Variants in SLCO1A2 observed in about 807,000 individuals in gnomAD.
SLCO1A2 encodes solute carrier organic anion transporter family member 1A2.
In SLCO1A2, 67 loss-of-function variants were observed where a neutral mutation model predicts 69.0. That is an observed-to-expected ratio of 0.97 (90% CI 0.80 to 1.19). The LOEUF is 1.19. SLCO1A2 is among the 50% of genes most tolerant of loss of function. The pLI is 0.00. For synonymous variants in SLCO1A2, 260 were observed against 265.9 expected (o/e 0.98, Z 0.22); for missense variants, 787 against 793.7 (o/e 0.99, Z 0.10).
intron 2 of SLCO1A2, chr12:21,324,725 C>T (rs979041466): frequency 6.6e-6 from 1 of 152,152 alleles, no homozygotes; most frequent in African/African-American, 2.4e-5. Flanking sequence ...GAGCATCAGC[C>T]TTCCAAACAA....
At chr12:21,297,350 A>G in intron 9 of SLCO1A2, 54 bp downstream of exon 9, 1 of 1,442,826 alleles carries the variant, frequency 6.9e-7, no homozygotes. Flanking sequence ...ACCCGCCATC[A>G]CACTGTTCGT....
At chr12:21,291,193 T>C (rs1946787867) in intron 12 of SLCO1A2, among the ~76,000 whole-genome samples, 1 of 152,086 alleles carries the variant, frequency 6.6e-6, no homozygotes, top group Non-Finnish European at 1.5e-5. Flanking sequence ...GATATAAAAA[T>C]TACTCTAAAT....
chr12:21,346,425 T>C (rs562182992), intron 2 of SLCO1A2, among the ~76,000 whole-genome samples: 9 of 152,208 alleles, frequency 5.9e-5, no homozygotes, highest in African/African-American at 1.9e-4. Flanking sequence ...CCATGATGGA[T>C]TTTTGTGTTC....
At position 21,295,593 on chromosome 12, in the gene SLCO1A2, A is replaced by G. The variant is rs1192840510; in HGVS notation, c.1271+4T>C. The G allele has an allele frequency of 3.9e-6, 6 of 1,542,228 alleles. No individual in the cohort carries two copies. Among genetic ancestry groups the G allele is most frequent in the Admixed American group, 3.4e-5 (2 of 58,426 alleles). ...ATTCTCACATTCATTAGAAAACAAC[A>G]TACCCTTCATAAGAGGTATTTATTC... On this transcript the variant is annotated splice_donor_region_variant and intron_variant, in intron 10 of 14. Transcript: ENST00000683939.
intron 3 of SLCO1A2, among the ~76,000 whole-genome samples, chr12:21,315,018 G>A (rs1321462002): frequency 6.6e-6 from 1 of 152,118 alleles, no homozygotes; most frequent in Non-Finnish European, 1.5e-5. Context: ...GGGAAATGAG[G>A]TTCAAAAGAA....
At chr12:21,307,099 G>T in intron 4 of SLCO1A2, 111 bp from the exon 5 acceptor site, 1 of 650,008 alleles carries the variant, frequency 1.5e-6, no homozygotes, top group Non-Finnish European at 2.5e-6. Flanking sequence ...TCCAAATCCA[G>T]TAAAAATGGC....
chr12:21,389,886 T>C (rs1438979662), intron 1 of SLCO1A2, among the ~76,000 whole-genome samples: 2 of 149,980 alleles, frequency 1.3e-5, no homozygotes, highest in African/African-American at 2.4e-5. Flanking sequence ...TATGGGTTTT[T>C]ATTATATAAT....
intron 12 of SLCO1A2, among the ~76,000 whole-genome samples, chr12:21,288,196 C>T (rs542442272): frequency 6.6e-6 from 1 of 152,190 alleles, no homozygotes; most frequent in East Asian, 1.9e-4. Flanking sequence ...AATCCCAGCA[C>T]TTTGGGAGGC....
chr12:21,373,395 T>C (rs778403247), intron 2 of SLCO1A2: 8 of 1,613,534 alleles, frequency 5.0e-6, no homozygotes, highest in South Asian at 1.1e-5. Context: ...GTGCTCTCTG[T>C]TGCATTGAAC....
intron 1 of SLCO1A2, among the ~76,000 whole-genome samples, chr12:21,392,198 C>A (rs1941192379): frequency 6.6e-6 from 1 of 152,162 alleles, no homozygotes; most frequent in Non-Finnish European, 1.5e-5. Context: ...TTTCTCCCTG[C>A]AACTTTAGAT....
rs559257564 is a variant in SLCO1A2, at chr12:21,350,140, A to G, written c.-62-15431T>C. Among the ~76,000 whole-genome samples, 357 of 152,336 alleles carry G rather than the reference A, an allele frequency of 2.3e-3. 1 individual carries two copies. Among genetic ancestry groups the G allele is most frequent in the Admixed American group, 3.9e-3 (59 of 15,296 alleles). ...AGAGATCTTTCATTCACTGATGATG[A>G]AAGTATAAATATTTCAATGGCAATT... is the stretch of plus-strand genomic sequence containing the variant. On this transcript the variant is annotated intron_variant, in intron 2 of 15. Coordinates refer to the SLCO1A2 transcript ENST00000307378.
intron 2 of SLCO1A2, among the ~76,000 whole-genome samples, chr12:21,365,067 A>C (rs1664771655): frequency 6.6e-6 from 1 of 152,214 alleles, no homozygotes; most frequent in Non-Finnish European, 1.5e-5. Context: ...ATATGGAACC[A>C]AAAAAGAGCT....
intron 1 of SLCO1A2, among the ~76,000 whole-genome samples, chr12:21,375,172 G>A (rs76022674): frequency 1.3e-5 from 2 of 152,220 alleles, no homozygotes; most frequent in East Asian, 3.9e-4. Context: ...CTTAGAAATA[G>A]AGCAATATGT....
At chr12:21,311,137 ATGAG>A (rs1187354369) in intron 4 of SLCO1A2, among the ~76,000 whole-genome samples, 3 of 152,202 alleles carry the variant, frequency 2.0e-5, no homozygotes, top group Non-Finnish European at 4.4e-5. Flanking sequence ...AAGTTTTATT[ATGAG>A]ATTGCAGCAA....
intron 2 of SLCO1A2, among the ~76,000 whole-genome samples, chr12:21,322,103 G>C (rs940721064): frequency 6.6e-6 from 1 of 152,120 alleles, no homozygotes; most frequent in African/African-American, 2.4e-5. Context: ...AATCAAATAA[G>C]ATTAAATATA....
rs1945114821 is a variant in SLCO1A2, at chr12:21,283,157, G to T, written c.1611-7733C>A. The stretch of plus-strand genomic sequence containing the variant: ...CAAAACTGGAGGAATCACATTACTT[G>T]ACTTCAATTTATATCACAGACCTAT... On this transcript the variant is annotated intron_variant, in intron 12 of 14. Transcript: ENST00000683939. Among the ~76,000 whole-genome samples the T allele has an allele frequency of 3.9e-5, 6 of 152,160 alleles. No homozygotes were observed. The South Asian group carries it at 1.2e-3, about 32-fold the overall frequency.
chr12:21,361,220 G>A (rs1938843334), intron 2 of SLCO1A2, among the ~76,000 whole-genome samples: 1 of 152,194 alleles, frequency 6.6e-6, no homozygotes, highest in Non-Finnish European at 1.5e-5. Flanking sequence ...AACATCTGCT[G>A]TTCTGCAATA....
At chr12:21,367,054 T>C (rs1162474377) in intron 2 of SLCO1A2, among the ~76,000 whole-genome samples, 3 of 152,116 alleles carry the variant, frequency 2.0e-5, no homozygotes, top group Non-Finnish European at 4.4e-5. Context: ...CATATCAGCC[T>C]GAATTTAAAT....
At chr12:21,273,055 G>C (rs551431037) in intron 14 of SLCO1A2, among the ~76,000 whole-genome samples, 2 of 152,148 alleles carry the variant, frequency 1.3e-5, no homozygotes, top group Non-Finnish European at 2.9e-5. Context: ...ACAGCAGTCA[G>C]CACAAGCTTC....
Sources: gnomAD v4.1 joint callset for allele counts (sites outside exome capture counted in the v4.1 genomes callset) on GRCh38, gnomAD v4.1.1 for gene constraint, MANE v1.5 for transcripts, NCBI Gene and HGNC (gene_info 2026-07-23, HGNC 2026-07-21) for gene names.